The following ADGRE3 variants were observed in gnomAD, a reference collection of about 807,000 sequenced individuals.
ADGRE3 encodes the protein adhesion G protein-coupled receptor E3, also known as EGF-like module receptor 3.
A neutral mutation model predicts 80.1 loss-of-function variants in ADGRE3; 88 were observed. The ratio of observed to expected loss-of-function variants is 1.10; its 90% CI spans 0.93 to 1.31. The LOEUF is 1.31. ADGRE3 is among the 40% of genes most tolerant of loss of function. The pLI, the probability that ADGRE3 is intolerant of heterozygous loss-of-function variation, is 0.00. For missense variants in ADGRE3, 715 were observed against 776.5 expected (o/e 0.92, Z 0.94); for synonymous variants, 281 against 294.8 (o/e 0.95, Z 0.48).
chr19:14,633,776 CTTTTT>C (rs201616276), intron 11 of ADGRE3, among the ~76,000 whole-genome samples: 1 of 109,544 alleles, frequency 9.1e-6, no homozygotes. Flanking sequence ...ATGACAATAG[CTTTTT>C]TTTTTTTTTT....
chr19:14,609,047 G>A, the ADGRE3 span, among the ~76,000 whole-genome samples: 2 of 152,098 alleles, frequency 1.3e-5, no homozygotes, highest in African/African-American at 2.4e-5. Context: ...TGATCTACCC[G>A]TCTTGGCCTC....
rs924818883 is a variant in ADGRE3, at chr19:14,665,959, T to C, written c.77-2419A>G. ...GTGTATATATATATATATATATATA[T>C]ATATATATATATATATATAGTGTTT... On this transcript the variant is annotated intron_variant, in intron 2 of 15. Coordinates refer to ENST00000253673, the MANE Select transcript of ADGRE3 (RefSeq NM_032571.5). Among the ~76,000 whole-genome samples, 37 of 124,974 alleles carry C rather than the reference T, an allele frequency of 3.0e-4. 3 individuals carry two copies. Among genetic ancestry groups the C allele is most frequent in the Middle Eastern group, 4.1e-3 (1 of 246 alleles). The allele number at this position is 124,974 out of a possible 152,430, so 82.0% of individuals were successfully genotyped here.
At chr19:14,644,320 T>C in intron 8 of ADGRE3, 45 bp from the exon 9 acceptor site, 1 of 1,355,440 alleles carries the variant, frequency 7.4e-7, no homozygotes, top group Non-Finnish European at 9.7e-7. Context: ...TGTCTTTCTT[T>C]CTTTCTTTTT....
At position 14,653,477 on chromosome 19, in the gene ADGRE3, A is replaced by G. The variant is rs756119253; in HGVS notation, c.577+1505T>C. 2.6e-5 allele frequency among the ~76,000 whole-genome samples: 4 copies of G among 151,944 alleles called. No individual in the cohort carries two copies. The East Asian group carries it at 7.7e-4, about 29-fold the overall frequency. On this transcript the variant is annotated intron_variant, in intron 6 of 15. Transcript: ENST00000253673. ...AGATAGAATAATCATAATTATAGCA[A>G]TTACTACCGTAGTTTTTCTTCTTTC...
intron 15 of ADGRE3, among the ~76,000 whole-genome samples, chr19:14,623,274 C>A: frequency 8.5e-5 from 2 of 23,494 alleles, no homozygotes; most frequent in Non-Finnish European, 1.8e-4. Context: ...ATTAAATATG[C>A]CTAAAATACT....
At chr19:14,638,945 A>G (rs1396560985) in intron 10 of ADGRE3, among the ~76,000 whole-genome samples, 1 of 152,176 alleles carries the variant, frequency 6.6e-6, no homozygotes, top group African/African-American at 2.4e-5. Flanking sequence ...TCTGTCACCC[A>G]GGCTGGAGTG....
Position 14,619,221 on chromosome 19 carries a change from T to A in ADGRE3, c.*212A>T, listed in dbSNP as rs1376926725. ...GCTTTGGGTTTCCAGGGACAAGCAT[T>A]GACTGAATACACCATAGTGAAGAGA... On this transcript the variant is annotated 3_prime_UTR_variant, in exon 16 of 16. Coordinates refer to ENST00000253673, the MANE Select transcript of ADGRE3 (RefSeq NM_032571.5). 4 of 545,088 alleles carry A rather than the reference T, an allele frequency of 7.3e-6. No homozygotes were observed. Among genetic ancestry groups the A allele is most frequent in the Admixed American group, 7.6e-5 (2 of 26,478 alleles). The allele number at this position is 545,088 out of a possible 1,614,324, so 33.8% of individuals were successfully genotyped here.
intron 10 of ADGRE3, among the ~76,000 whole-genome samples, chr19:14,640,436 C>T (rs1402275953): frequency 1.3e-5 from 2 of 152,004 alleles, no homozygotes; most frequent in Non-Finnish European, 2.9e-5. Flanking sequence ...ATTACAGGTG[C>T]TCATCACCAC....
the ADGRE3 span, among the ~76,000 whole-genome samples, chr19:14,611,590 C>T: frequency 6.6e-6 from 1 of 152,008 alleles, no homozygotes; most frequent in East Asian, 1.9e-4. Flanking sequence ...AGCAAGACCC[C>T]TACATAGTGT....
At chr19:14,655,297 T>A in intron 5 of ADGRE3, 132 bp from the exon 6 acceptor site, 2 of 724,280 alleles carry the variant, frequency 2.8e-6, no homozygotes, top group South Asian at 3.9e-5. Flanking sequence ...TGGCACTTCA[T>A]CATGTCCCAG....
In ADGRE3 at chr19:14,663,497, G is replaced by A; in HGVS notation, c.120C>T (p.Asn40=). The A allele has an allele frequency of 1.2e-6, 2 of 1,613,542 alleles. No individual in the cohort carries two copies. Among genetic ancestry groups the A allele is most frequent in the Non-Finnish European group, 1.7e-6 (2 of 1,179,598 alleles). ...ATCCATGGTTGCAGGTGCAGTGAGT[G>A]TTATTGACACAGGAAGCATTTGGGG... ...KCPPNASCVN[N]THCTCNHGYT... is the part of the protein sequence containing the mutation. Residue 40 remains asparagine (N), a synonymous_variant, in exon 3 of 16, where the codon AAC becomes AAT. Coordinates refer to ENST00000253673, the MANE Select transcript of ADGRE3 (RefSeq NM_032571.5).
downstream of ADGRE3, among the ~76,000 whole-genome samples, chr19:14,617,394 C>CTTTCTTTCTTTCT (rs1599594082): frequency 1.9e-5 from 2 of 103,620 alleles, no homozygotes; most frequent in East Asian, 6.8e-4. Flanking sequence ...TTCTTTCTTT[C>CTTTCTTTCTTTCT]TTTCTTTTCT....
chr19:14,620,568 A>ATATTATATATATATATTT (rs1435435269), intron 15 of ADGRE3, among the ~76,000 whole-genome samples: 1 of 11,060 alleles, frequency 9.0e-5, no homozygotes, highest in African/African-American at 4.1e-4. Flanking sequence ...ATATATATAT[A>ATATTATATATATATATTT]TTTTTTTTTT....
At chr19:14,670,970 T>C (rs954731284) in intron 1 of ADGRE3, among the ~76,000 whole-genome samples, 1 of 152,130 alleles carries the variant, frequency 6.6e-6, no homozygotes, top group South Asian at 2.1e-4. Context: ...TGTCCTTTTT[T>C]CCCCCGGCAG....
chr19:14,674,206 C>T (rs371434766), intron 1 of ADGRE3, among the ~76,000 whole-genome samples: 133 of 152,112 alleles, frequency 8.7e-4, no homozygotes, highest in Middle Eastern at 6.8e-3. Context: ...AGATGAACAA[C>T]GTATTAGAGA....
intron 15 of ADGRE3, among the ~76,000 whole-genome samples, chr19:14,624,647 C>A (rs1416951431): frequency 6.6e-6 from 1 of 151,020 alleles, no homozygotes; most frequent in African/African-American, 2.4e-5. Flanking sequence ...CTCAGCTACT[C>A]AGGAAGCTGA....
the ADGRE3 span, chr19:14,607,011 C>T: frequency 7.7e-7 from 1 of 1,302,086 alleles, no homozygotes; most frequent in Non-Finnish European, 9.8e-7. Context: ...GGCCAAGGCC[C>T]ATGGCTCTCC....
the ADGRE3 span, among the ~76,000 whole-genome samples, chr19:14,605,516 C>T: frequency 6.6e-6 from 1 of 152,152 alleles, no homozygotes; most frequent in African/African-American, 2.4e-5. Flanking sequence ...CAAATGCGTA[C>T]ACCTGTGTAA....
intron 15 of ADGRE3, among the ~76,000 whole-genome samples, chr19:14,620,804 G>T (rs1211702209): frequency 6.7e-6 from 1 of 149,896 alleles, no homozygotes; most frequent in Non-Finnish European, 1.5e-5. Context: ...TCACTATACT[G>T]CCCAGGTTAT....
Sources: allele counts gnomAD v4.1 joint callset (sites outside exome capture counted in the v4.1 genomes callset), GRCh38; gene constraint gnomAD v4.1.1; transcripts MANE v1.5; gene names NCBI Gene and HGNC (gene_info 2026-07-23, HGNC 2026-07-21).